The following LRMDA variants were observed in gnomAD, a reference collection of about 807,000 sequenced individuals.
LRMDA encodes the protein leucine-rich melanocyte differentiation-associated protein.
A neutral mutation model predicts 29.8 loss-of-function variants in LRMDA; 18 were observed. The observed-to-expected ratio is 0.60, with a 90% confidence interval of 0.42 to 0.90. LRMDA has a LOEUF of 0.90. LRMDA is among the 40% of genes least tolerant of loss of function. The probability of loss-of-function intolerance (pLI) is 0.00; values close to 1 mark genes in which losing one functional copy is unlikely to be tolerated. For synonymous variants in LRMDA, 125 were observed against 109.4 expected (o/e 1.14, Z -0.89); for missense variants, 273 against 273.9 (o/e 1.00, Z 0.02).
chr10:75,436,716 A>G (rs555873083), intron 1 of LRMDA, among the ~76,000 whole-genome samples: 146 of 151,966 alleles, frequency 9.6e-4, no homozygotes, highest in Non-Finnish European at 1.8e-3. Flanking sequence ...TGATCCTCCC[A>G]CCTCGGCTTC....
intron 2 of LRMDA, among the ~76,000 whole-genome samples, chr10:75,778,069 C>G (rs954159275): frequency 5.9e-5 from 9 of 151,980 alleles, no homozygotes; most frequent in Admixed American, 3.3e-4. Context: ...TCCCTCTTGT[C>G]CATCTATTTC....
chr10:75,607,184 CAA>C (rs1433001093), intron 2 of LRMDA, among the ~76,000 whole-genome samples: 1 of 152,156 alleles, frequency 6.6e-6, no homozygotes, highest in Non-Finnish European at 1.5e-5. Flanking sequence ...TGGTTACTTC[CAA>C]AGTGATCAAG....
At chr10:75,449,056 G>A (rs193076356) in intron 2 of LRMDA, among the ~76,000 whole-genome samples, 1 of 151,610 alleles carries the variant, frequency 6.6e-6, no homozygotes, top group East Asian at 1.9e-4. Context: ...GGAGGCTGAG[G>A]CAGGAGAATC....
chr10:75,984,939 G>C (rs1847238268), intron 2 of LRMDA, among the ~76,000 whole-genome samples: 1 of 152,178 alleles, frequency 6.6e-6, no homozygotes, highest in African/African-American at 2.4e-5. Flanking sequence ...ATGCATTATA[G>C]TAGGATGAAT....
At chr10:76,356,517 T>C (rs1181846387) in intron 6 of LRMDA, among the ~76,000 whole-genome samples, 1 of 152,128 alleles carries the variant, frequency 6.6e-6, no homozygotes. Context: ...TATTTTTTTT[T>C]AAACTGGAGG....
At chr10:76,233,644 A>C (rs1461750742) in intron 5 of LRMDA, among the ~76,000 whole-genome samples, 1 of 152,166 alleles carries the variant, frequency 6.6e-6, no homozygotes, top group African/African-American at 2.4e-5. Context: ...TAATATTCTA[A>C]ATCCTTTGTG....
In LRMDA at chr10:76,537,771, G is replaced by T. The variant is rs113631918; in HGVS notation, c.602-19438G>T. Among the ~76,000 whole-genome samples the T allele has an allele frequency of 3.4e-3, 520 of 152,080 alleles. 6 individuals carry two copies. Among genetic ancestry groups the T allele is most frequent in the African/African-American group, 0.012 (492 of 41,472 alleles). On this transcript the variant is annotated intron_variant, in intron 6 of 6. Transcript: ENST00000611255. ...GCCATGTCACATAACGTATTCACAG[G>T]TTCCAGGGATTCAAGTGTGGACATC...
intron 5 of LRMDA, among the ~76,000 whole-genome samples, chr10:76,258,114 A>G (rs961132789): frequency 1.3e-5 from 2 of 152,230 alleles, no homozygotes; most frequent in African/African-American, 4.8e-5. Flanking sequence ...CTTGATGGTA[A>G]AGCAGTAAGG....
intron 6 of LRMDA, among the ~76,000 whole-genome samples, chr10:76,502,488 A>G (rs1842920251): frequency 6.6e-6 from 1 of 152,016 alleles, no homozygotes; most frequent in Admixed American, 6.6e-5. Flanking sequence ...CTAATCCATG[A>G]CCATGGAATG....
chr10:75,814,158 C>A (rs909892796), intron 2 of LRMDA, among the ~76,000 whole-genome samples: 7 of 152,142 alleles, frequency 4.6e-5, no homozygotes, highest in African/African-American at 1.7e-4. Context: ...ACTTGAAGAT[C>A]CTGCTTTTCT....
intron 2 of LRMDA, among the ~76,000 whole-genome samples, chr10:75,822,501 C>A (rs1017244715): frequency 6.6e-6 from 1 of 151,658 alleles, no homozygotes; most frequent in African/African-American, 2.4e-5. Context: ...CCTGAATAGC[C>A]AAAGCAACTC....
intron 6 of LRMDA, among the ~76,000 whole-genome samples, chr10:76,509,418 A>G (rs1285453575): frequency 6.6e-6 from 1 of 152,212 alleles, no homozygotes; most frequent in Non-Finnish European, 1.5e-5. Flanking sequence ...ACACCTTGCA[A>G]CTTAAGTTTC....
At position 76,010,870 on chromosome 10, in the gene LRMDA, C is replaced by T. The variant is rs78392210; in HGVS notation, c.132-25138C>T. On this transcript the variant is annotated intron_variant, in intron 2 of 6. Transcript: ENST00000611255. Reference sequence around the variant, plus strand: ...TCTGCAGAGATGCAAGCATGGCCAGCCCTGGCTGAACGGAGATCCTGAGGG... The same window carrying T: ...TCTGCAGAGATGCAAGCATGGCCAGTCCTGGCTGAACGGAGATCCTGAGGG... Among the ~76,000 whole-genome samples, 23 of 152,338 alleles carry T rather than the reference C, an allele frequency of 1.5e-4. No homozygotes were observed. The East Asian group carries it at 4.4e-3, about 29-fold the overall frequency.
At chr10:75,748,447 A>G (rs1486749067) in intron 2 of LRMDA, among the ~76,000 whole-genome samples, 3 of 152,006 alleles carry the variant, frequency 2.0e-5, no homozygotes, top group Non-Finnish European at 4.4e-5. Flanking sequence ...TTTTTTCCTT[A>G]TATTTCCTCT....
rs903671480 is a variant in LRMDA, at chr10:75,879,810, A to G, written c.132-156198A>G. Among the ~76,000 whole-genome samples the G allele has an allele frequency of 5.9e-5, 9 of 151,892 alleles. No homozygotes were observed. In the East Asian group the frequency reaches 1.7e-3, roughly 29 times the overall value. On this transcript the variant is annotated intron_variant, in intron 2 of 6. Transcript: ENST00000611255. ...CATACCTTGTGGATTTACTTTTTCC[A>G]TTTCTTGGAATGATGCAAAATGCCT...
intron 2 of LRMDA, among the ~76,000 whole-genome samples, chr10:75,920,515 C>G (rs1846009314): frequency 6.6e-6 from 1 of 152,150 alleles, no homozygotes; most frequent in Non-Finnish European, 1.5e-5. Flanking sequence ...TTGTCTGATA[C>G]CAACTCCTTG....
chr10:75,855,408 T>C (rs1244099552), intron 2 of LRMDA, among the ~76,000 whole-genome samples: 1 of 152,180 alleles, frequency 6.6e-6, no homozygotes, highest in Non-Finnish European at 1.5e-5. Context: ...CACTTTTTGA[T>C]GGGGTTGTTT....
At chr10:75,768,537 A>T (rs182569623) in intron 2 of LRMDA, among the ~76,000 whole-genome samples, 2 of 152,176 alleles carry the variant, frequency 1.3e-5, no homozygotes, top group Non-Finnish European at 2.9e-5. Context: ...CTATGGTGTT[A>T]TGTTTCATTT....
intron 2 of LRMDA, among the ~76,000 whole-genome samples, chr10:75,632,839 C>A (rs1435724202): frequency 8.3e-6 from 1 of 121,050 alleles, no homozygotes; most frequent in African/African-American, 3.2e-5. Context: ...GTGTTCAGAG[C>A]CAGGCAGCCA....
Sources: allele counts gnomAD v4.1 joint callset (sites outside exome capture counted in the v4.1 genomes callset), GRCh38; gene constraint gnomAD v4.1.1; transcripts MANE v1.5; gene names NCBI Gene and HGNC (gene_info 2026-07-23, HGNC 2026-07-21).